Variants in PSME4 observed in about 807,000 individuals in gnomAD.
PSME4 encodes proteasome activator subunit 4, also known as proteasome activator complex subunit 4.
PSME4 carries 89 observed loss-of-function variants against 253.9 expected under a neutral mutation model. The ratio of observed to expected loss-of-function variants is 0.35; its 90% CI spans 0.30 to 0.42. PSME4 has a LOEUF of 0.42. PSME4 is among the 10% of genes least tolerant of loss of function. The pLI, the probability that PSME4 is intolerant of heterozygous loss-of-function variation, is 1.00. For missense variants in PSME4, 2,014 were observed against 2,195.2 expected, an observed-to-expected ratio of 0.92 and a Z score of 1.65; for synonymous variants, 851 against 759.2, an observed-to-expected ratio of 1.12 and a Z score of -1.99.
chr2:53,966,798 C>G (rs1200729073), intron 1 of PSME4, among the ~76,000 whole-genome samples: 1 of 152,114 alleles, frequency 6.6e-6, no homozygotes, highest in African/African-American at 2.4e-5. Context: ...CTCCCAGATT[C>G]AAGCGATTCT....
At chr2:53,866,914 A>G (rs1678591995) in intron 44 of PSME4, 34 bp from the exon 45 acceptor site, 1 of 1,597,296 alleles carries the variant, frequency 6.3e-7, no homozygotes, top group Non-Finnish European at 8.5e-7. Flanking sequence ...GTGCAAATAT[A>G]TATATGTCTC....
At chr2:53,904,204 C>G in intron 26 of PSME4, 48 bp from the exon 27 acceptor site, 2 of 1,501,900 alleles carry the variant, frequency 1.3e-6, no homozygotes, top group South Asian at 1.3e-5. Context: ...TAGTAAAGTA[C>G]AAAGCAGTTT....
rs1216486066 is a variant in PSME4, at chr2:53,970,663, G to C, written c.122C>G (p.Ala41Gly). 6 of 1,550,258 alleles carry C rather than the reference G, an allele frequency of 3.9e-6. No individual in the cohort carries two copies. The East Asian group carries it at 1.5e-4, about 38-fold the overall frequency. ...GTCGGACTCGGCGTCTAGCCGCTCC[G>C]CGTAGGGCAGCAGCTTGTTGTAGAC... ...EIVYNKLLPY[A>G]ERLDAESDLQ... is the part of the protein sequence containing the mutation. Residue 41 changes from alanine (A) to glycine (G), a missense_variant, in exon 1 of 47, where the codon GCG (alanine) becomes GGG (glycine). Physicochemically the swap from Ala to Gly is moderately conservative, Grantham distance 60 (BLOSUM62 0). Coordinates refer to ENST00000404125, the MANE Select transcript of PSME4 (RefSeq NM_014614.3).
chr2:53,937,385 A>G lies in PSME4; in HGVS notation c.695+6T>C, dbSNP rs1265695827. 6.4e-7 allele frequency: 1 copy of G among 1,572,290 alleles called. No homozygotes were observed. Reference sequence around the variant, plus strand: ...TTAGAATTTGTCAAGATATGAACATACTTACTTAAAACCTTTATGATGAAG... The same window carrying G: ...TTAGAATTTGTCAAGATATGAACATGCTTACTTAAAACCTTTATGATGAAG... On this transcript the variant is annotated splice_donor_region_variant and intron_variant, in intron 5 of 46. Transcript: ENST00000404125.
Position 53,925,617 on chromosome 2 carries a change from G to C in PSME4, c.1731C>G (p.His577Gln), listed in dbSNP as rs1358925264. ...REETETEKMTHLESLVELGLS... is the reference protein window; with the variant it reads ...REETETEKMTQLESLVELGLS... ...GACCTAATTCGACCAAACTCTCCAAGTGTGTCATTTTCTCAGTTTCTGTCT... is the reference window on the plus strand; with the variant it reads ...GACCTAATTCGACCAAACTCTCCAACTGTGTCATTTTCTCAGTTTCTGTCT... Residue 577 changes from histidine (H) to glutamine (Q), a missense_variant, in exon 14 of 47, where the codon CAC becomes CAG. Around this residue, in one of 4 missense-constraint regions of PSME4, gnomAD observed 989 missense variants for 1,021.1 expected, o/e 0.97. Coordinates refer to ENST00000404125, the MANE Select transcript of PSME4 (RefSeq NM_014614.3). 1.2e-6 allele frequency: 2 copies of C among 1,611,236 alleles called. No individual in the cohort carries two copies. Among genetic ancestry groups the C allele is most frequent in the Non-Finnish European group, 1.7e-6 (2 of 1,177,714 alleles).
chr2:53,936,850 T>A lies in PSME4; in HGVS notation c.696-23A>T, dbSNP rs374011656. 4.6e-6 allele frequency: 7 copies of A among 1,533,488 alleles called. No individual in the cohort carries two copies. The African/African-American group carries it at 9.8e-5, about 21-fold the overall frequency. 95.0% of individuals were successfully genotyped at this position (1,533,488 alleles called of 1,614,324 possible). A position where few individuals can be genotyped will look rare whatever the true frequency, so the allele number is the denominator to read the frequency against. On this transcript the variant is annotated intron_variant, in intron 5 of 46. Coordinates refer to ENST00000404125, the MANE Select transcript of PSME4 (RefSeq NM_014614.3). ...AGTCTAAAGAAGAAAAATGTTGTTA[T>A]GAATAGCAAGTGATTTTAAAGTGGT...
intron 21 of PSME4, among the ~76,000 whole-genome samples, chr2:53,909,856 G>A (rs1198827786): frequency 6.6e-6 from 1 of 152,116 alleles, no homozygotes; most frequent in African/African-American, 2.4e-5. Flanking sequence ...TAGCTATTTG[G>A]GAGGCTGGAG....
At chr2:53,901,617 G>A in intron 27 of PSME4, 58 bp from the exon 28 acceptor site, 1 of 1,395,460 alleles carries the variant, frequency 7.2e-7, no homozygotes, top group South Asian at 1.3e-5. Flanking sequence ...TCATGTAGTT[G>A]TAGCCAATGC....
chr2:53,890,120 C>G lies in PSME4; in HGVS notation c.4280G>C (p.Cys1427Ser). The G allele has an allele frequency of 6.2e-7, 1 of 1,613,206 alleles. No homozygotes were observed. Among genetic ancestry groups the G allele is most frequent in the East Asian group, 2.2e-5 (1 of 44,868 alleles). ...TVETYNDWGA[C>S]IATSCESRDP... ...GTAACTTACACAGGATGTTGCTATA[C>G]AAGCTCCCCAGTCATTATAAGTTTC... The change falls in exon 37 of 47, where the codon TGT becomes TCT. Residue 1427 changes from cysteine (C) to serine (S), a missense_variant. Physicochemically the swap from Cys to Ser is moderately radical, Grantham distance 112. Transcript: ENST00000404125.
In PSME4 at chr2:53,970,776, C is replaced by A. The variant is rs998386166; in HGVS notation, c.9G>T (p.Pro3=). The change falls in exon 1 of 47, where the codon CCG becomes CCT. Residue 3 remains proline (P), a synonymous_variant. Transcript: ENST00000404125. ...GCTCTCCGACTCCCGCCCGCTCGGC[C>A]GGCTCCATGAGCCCAGGGACACCCC... ME[P]AERAGVGEPP... 1.9e-6 allele frequency: 3 copies of A among 1,541,802 alleles called. No individual in the cohort carries two copies. The highest frequency in any genetic ancestry group is 8.7e-7 in the Non-Finnish European group (1 of 1,144,188).
Position 53,932,079 on chromosome 2 carries a change from G to T in PSME4, c.1072C>A (p.Gln358Lys), listed in dbSNP as rs763491888. ...CTAACAACACTGTTTGGCAACCGCT[G>T]AAGTAGTTTCATTAACTTGTTCTGG... is the stretch of plus-strand genomic sequence containing the variant. Reference protein sequence around the residue: ...RWLNKLMKLLQRLPNSVVRRL... With the variant: ...RWLNKLMKLLKRLPNSVVRRL... The change falls in exon 10 of 47, where the codon CAG (glutamine) becomes AAG (lysine). Residue 358 changes from glutamine to lysine, a missense_variant. Gln to Lys is a moderately conservative substitution (Grantham distance 53). Coordinates refer to ENST00000404125, the MANE Select transcript of PSME4 (RefSeq NM_014614.3). 1.2e-6 allele frequency: 2 copies of T among 1,614,018 alleles called. No homozygotes were observed. The highest frequency in any genetic ancestry group is 1.7e-5 in the Admixed American group (1 of 60,016).
Position 53,892,978 on chromosome 2 carries a change from G to A in PSME4, c.4039-18C>T. On this transcript the variant is annotated intron_variant, in intron 35 of 46. Coordinates refer to ENST00000404125, the MANE Select transcript of PSME4 (RefSeq NM_014614.3). Reference sequence around the variant, plus strand: ...AATATACCCTATAAAAACAAAGACTGTTCTTCAGTACTCAAATGACTATCA... The same window carrying A: ...AATATACCCTATAAAAACAAAGACTATTCTTCAGTACTCAAATGACTATCA... 1 of 1,600,906 alleles carries A rather than the reference G, an allele frequency of 6.2e-7. No individual in the cohort carries two copies. The highest frequency in any genetic ancestry group is 8.5e-7 in the Non-Finnish European group (1 of 1,172,184).
chr2:53,938,182 T>A (rs552243012), intron 4 of PSME4, among the ~76,000 whole-genome samples: 1 of 152,170 alleles, frequency 6.6e-6, no homozygotes, highest in East Asian at 1.9e-4. Context: ...AAAAATCTTG[T>A]CAAAAAGAAT....
chr2:53,910,656 G>A (rs537481179), intron 20 of PSME4, among the ~76,000 whole-genome samples: 2 of 152,252 alleles, frequency 1.3e-5, no homozygotes, highest in East Asian at 1.9e-4. Context: ...ACCACAACCA[G>A]AGGCTACCCT....
At chr2:53,954,193 C>T (rs554105755) in intron 1 of PSME4, among the ~76,000 whole-genome samples, 3 of 152,144 alleles carry the variant, frequency 2.0e-5, no homozygotes, top group South Asian at 4.1e-4. Flanking sequence ...CCGGGTGTGG[C>T]GGCACGCGCC....
chr2:53,946,910 AAAGG>A (rs1184076301), intron 3 of PSME4, among the ~76,000 whole-genome samples: 12 of 151,980 alleles, frequency 7.9e-5, no homozygotes, highest in South Asian at 6.3e-4. Flanking sequence ...CAACCCTGAA[AAAGG>A]AAGGAAGGAA....
chr2:53,951,375 C>T (rs1356400068), intron 1 of PSME4, among the ~76,000 whole-genome samples: 1 of 152,240 alleles, frequency 6.6e-6, no homozygotes, highest in Admixed American at 6.5e-5. Context: ...AGCCACTGCG[C>T]CCAGCACTTA....
At chr2:53,943,510 A>C (rs1669552212) in intron 3 of PSME4, among the ~76,000 whole-genome samples, 1 of 152,174 alleles carries the variant, frequency 6.6e-6, no homozygotes, top group Non-Finnish European at 1.5e-5. Context: ...TTGCCACTTC[A>C]CTCAAAATTA....
Position 53,906,626 on chromosome 2 carries a change from A to G in PSME4, c.2915T>C (p.Leu972Pro). Reference protein sequence around the residue: ...KIHQDMIRDLLRLSTSSYSQV... With the variant: ...KIHQDMIRDLPRLSTSSYSQV... ...ACTGTATGAACTTGTAGATAAACGA[A>G]GAAGATCTCTGATCATATCTTGATG... The change falls in exon 26 of 47, where the codon CTT (leucine) becomes CCT (proline). Residue 972 changes from leucine to proline, a missense_variant. Physicochemically the swap from Leu to Pro is moderately conservative, Grantham distance 98. Coordinates refer to ENST00000404125, the MANE Select transcript of PSME4 (RefSeq NM_014614.3). The G allele has an allele frequency of 1.3e-6, 2 of 1,599,668 alleles. No homozygotes were observed. Among genetic ancestry groups the G allele is most frequent in the Non-Finnish European group, 1.7e-6 (2 of 1,173,760 alleles).
Sources: gnomAD v4.1 joint callset for allele counts (sites outside exome capture counted in the v4.1 genomes callset) on GRCh38, gnomAD v4.1.1 for gene constraint, gnomAD v4.1.1 regional missense constraint, MANE v1.5 for transcripts, NCBI Gene and HGNC (gene_info 2026-07-23, HGNC 2026-07-21) for gene names.